The following CELF2 variants were observed in gnomAD, a reference collection of about 807,000 sequenced individuals.
The protein encoded by CELF2 is CUGBP Elav-like family member 2.
Under a neutral mutation model 62.6 loss-of-function variants are expected in CELF2, and 8 were observed. The ratio of observed to expected loss-of-function variants is 0.13; its 90% CI spans 0.07 to 0.23. The LOEUF (loss-of-function observed/expected upper bound fraction) is 0.23, where lower values mean the gene tolerates loss of function less well. CELF2 is among the 10% of genes least tolerant of loss of function. CELF2 has a pLI of 1.00. For synonymous variants in CELF2, 258 were observed against 250.0 expected (o/e 1.03, Z -0.30); for missense variants, 333 against 671.0 (o/e 0.50, Z 5.56).
the CELF2 span, among the ~76,000 whole-genome samples, chr10:10,670,410 G>A: frequency 1.3e-5 from 2 of 152,206 alleles, no homozygotes; most frequent in African/African-American, 2.4e-5. Context: ...AAGGTTATTC[G>A]TACTTAGACT....
At position 11,276,555 on chromosome 10, in the gene CELF2, C is replaced by G. The variant is rs545917746; in HGVS notation, c.841+1435C>G. Among the ~76,000 whole-genome samples, 357 of 152,248 alleles carry G rather than the reference C, an allele frequency of 2.3e-3. 3 individuals are homozygous for G. The highest frequency in any genetic ancestry group is 4.2e-3 in the Non-Finnish European group (285 of 68,004). On this transcript the variant is annotated intron_variant, in intron 8 of 12. Coordinates refer to ENST00000633077, the MANE Select transcript of CELF2 (RefSeq NM_001326342.2). ...ATTTTCTGTGTTTTAAAAGAGAAAA[C>G]CTCCTGATTGCAAGCTCTAAAATAA...
At chr10:10,657,352 C>T in the CELF2 span, among the ~76,000 whole-genome samples, 5 of 151,576 alleles carry the variant, frequency 3.3e-5, no homozygotes, top group East Asian at 5.8e-4. Flanking sequence ...GTGATGGTTG[C>T]GTAACCTTAA....
intron 1 of CELF2, among the ~76,000 whole-genome samples, chr10:10,859,947 G>A (rs2059960609): frequency 6.6e-6 from 1 of 152,192 alleles, no homozygotes. Context: ...ATATCAAAGA[G>A]TGTTTGTTTG....
intron 1 of CELF2, among the ~76,000 whole-genome samples, chr10:10,838,696 A>T (rs987483331): frequency 5.3e-5 from 8 of 152,102 alleles, no homozygotes; most frequent in Non-Finnish European, 1.0e-4. Context: ...CTCCTAATGT[A>T]TATGTCCTTT....
chr10:10,702,670 C>T, the CELF2 span, among the ~76,000 whole-genome samples: 29 of 152,246 alleles, frequency 1.9e-4, no homozygotes, highest in East Asian at 9.7e-4. Context: ...CTGCAACTTC[C>T]GCCTCCTAGG....
Position 11,110,295 on chromosome 10 carries a change from G to A in CELF2, c.75-55191G>A, listed in dbSNP as rs1002960647. ...TCTTAAAAAAAAAAATCTGCTTTTT[G>A]TTCTTTTCTAGCTACATTACATCTT... On this transcript the variant is annotated intron_variant, in intron 1 of 12. Transcript: ENST00000633077. This position sits in a 1 kb window ranked among gnomAD's most constrained non-coding sequence, Gnocchi z 4.0. 6.6e-6 allele frequency among the ~76,000 whole-genome samples: 1 copy of A among 151,988 alleles called. No homozygotes were observed. Among genetic ancestry groups the A allele is most frequent in the Non-Finnish European group, 1.5e-5 (1 of 67,976 alleles).
rs559686021 is a variant in CELF2 at position 11,234,631 on chromosome 10, G to A, written c.355-14522G>A. Among the ~76,000 whole-genome samples the A allele has an allele frequency of 3.0e-3, 419 of 137,548 alleles. 4 individuals are homozygous for A. Among genetic ancestry groups the A allele is most frequent in the African/African-American group, 0.011 (392 of 36,374 alleles). 90.2% of individuals were successfully genotyped at this position (137,548 alleles called of 152,430 possible). On this transcript the variant is annotated intron_variant, in intron 3 of 12. Transcript: ENST00000633077. ...CGGGGGGCGGAGCCTGCAGTGAGCC[G>A]AGATCGCGCCACTGCACTCCAGCCT...
chr10:11,135,405 A>G (rs769226488), intron 1 of CELF2, among the ~76,000 whole-genome samples: 1 of 152,252 alleles, frequency 6.6e-6, no homozygotes, highest in African/African-American at 2.4e-5. Flanking sequence ...TGGCTCATGC[A>G]TTATGTTTCT....
At chr10:11,187,602 G>A (rs995325692) in intron 2 of CELF2, among the ~76,000 whole-genome samples, 5 of 149,260 alleles carry the variant, frequency 3.3e-5, no homozygotes, top group African/African-American at 1.2e-4. Context: ...CTTCCCTTTT[G>A]CCTCTTCTTA....
the CELF2 span, among the ~76,000 whole-genome samples, chr10:10,688,995 C>A: frequency 1.3e-5 from 2 of 151,884 alleles, no homozygotes; most frequent in Non-Finnish European, 2.9e-5. Context: ...CAGAACAAGA[C>A]CCTATCTCTC....
At chr10:10,887,068 G>C (rs2061799048) in intron 1 of CELF2, among the ~76,000 whole-genome samples, 1 of 151,990 alleles carries the variant, frequency 6.6e-6, no homozygotes, top group Non-Finnish European at 1.5e-5. Flanking sequence ...CTGTCGCCAG[G>C]TCTAAAATAA....
the CELF2 span, among the ~76,000 whole-genome samples, chr10:10,722,813 G>A: frequency 7.9e-5 from 12 of 152,190 alleles, no homozygotes; most frequent in African/African-American, 2.9e-4. Flanking sequence ...GAAGCTGACT[G>A]TAGCATTTCT....
chr10:10,647,859 C>T, the CELF2 span, among the ~76,000 whole-genome samples: 7 of 152,174 alleles, frequency 4.6e-5, no homozygotes, highest in Non-Finnish European at 8.8e-5. Flanking sequence ...TTAGAAAACA[C>T]TAGTTTGCCA....
intron 2 of CELF2, among the ~76,000 whole-genome samples, chr10:11,196,275 T>C (rs576019606): frequency 3.3e-5 from 5 of 152,372 alleles, no homozygotes; most frequent in African/African-American, 7.2e-5. Context: ...GCAGGCAGCT[T>C]AGCTCCTGCT....
chr10:10,707,014 A>G, the CELF2 span, among the ~76,000 whole-genome samples: 1 of 152,216 alleles, frequency 6.6e-6, no homozygotes, highest in Non-Finnish European at 1.5e-5. Flanking sequence ...CTCGGATTTC[A>G]TCTTCCAAAA....
chr10:11,253,808 A>T (rs907934380), intron 4 of CELF2, among the ~76,000 whole-genome samples: 3 of 152,200 alleles, frequency 2.0e-5, no homozygotes, highest in African/African-American at 7.2e-5. Flanking sequence ...CGTCGTTACT[A>T]ATCACGGGGG....
At chr10:11,160,936 C>G (rs1464207428) in intron 1 of CELF2, among the ~76,000 whole-genome samples, 6 of 152,244 alleles carry the variant, frequency 3.9e-5, no homozygotes, top group African/African-American at 9.6e-5. Context: ...ATAGAAATTT[C>G]CATTCTTTTG....
chr10:10,998,205 C>G (rs565140108), intron 2 of CELF2, among the ~76,000 whole-genome samples: 2 of 152,288 alleles, frequency 1.3e-5, no homozygotes, highest in African/African-American at 4.8e-5. Flanking sequence ...TGAGAACAGG[C>G]TAATACAATG....
the CELF2 span, among the ~76,000 whole-genome samples, chr10:10,699,177 C>T: frequency 6.6e-6 from 1 of 152,000 alleles, no homozygotes; most frequent in South Asian, 2.1e-4. Context: ...TGAAATATTT[C>T]CCCAATATTG....
Sources: allele counts gnomAD v4.1 joint callset (sites outside exome capture counted in the v4.1 genomes callset), GRCh38; gene constraint gnomAD v4.1.1; non-coding constraint Gnocchi (gnomAD v3.1); transcripts MANE v1.5; gene names NCBI Gene and HGNC (gene_info 2026-07-23, HGNC 2026-07-21).